The following KDM4C variants were observed in gnomAD, a reference collection of about 807,000 sequenced individuals.
The protein encoded by KDM4C is lysine-specific demethylase 4C.
A neutral mutation model predicts 129.3 loss-of-function variants in KDM4C; 81 were observed. That is an observed-to-expected ratio of 0.63 (90% CI 0.52 to 0.75). The LOEUF is 0.75. KDM4C is among the 30% of genes least tolerant of loss of function. The probability of loss-of-function intolerance (pLI) is 0.00; values close to 1 mark genes in which losing one functional copy is unlikely to be tolerated. For missense variants in KDM4C, 1,457 were observed against 1,304.0 expected, an observed-to-expected ratio of 1.12 and a Z score of -1.81; for synonymous variants, 573 against 456.1, an observed-to-expected ratio of 1.26 and a Z score of -3.26.
At chr9:6,745,578 CAAA>C (rs57251333) in intron 1 of KDM4C, among the ~76,000 whole-genome samples, 17 of 106,962 alleles carry the variant, frequency 1.6e-4, no homozygotes, top group East Asian at 2.9e-4. Flanking sequence ...GTCCTGTCTC[CAAA>C]AAAAAAAAAA....
intron 1 of KDM4C, among the ~76,000 whole-genome samples, chr9:6,740,788 G>C (rs1817669104): frequency 6.6e-6 from 1 of 151,558 alleles, no homozygotes; most frequent in African/African-American, 2.4e-5. Flanking sequence ...CAAAGTGCTG[G>C]GATTACAGGC....
intron 8 of KDM4C, among the ~76,000 whole-genome samples, chr9:6,937,941 A>C (rs7851578): frequency 0.22 from 34,081 of 151,934 alleles, 4,628 homozygotes; most frequent in Middle Eastern, 0.4. Flanking sequence ...CGAACTCCTG[A>C]CCTCAGGTGA....
intron 19 of KDM4C, among the ~76,000 whole-genome samples, chr9:7,152,379 A>G (rs554410081): frequency 6.6e-6 from 1 of 152,362 alleles, no homozygotes; most frequent in East Asian, 1.9e-4. Context: ...AAGATAATTA[A>G]TAGCTAACAA....
At chr9:7,147,160 A>G (rs1035449832) in intron 19 of KDM4C, among the ~76,000 whole-genome samples, 1 of 152,208 alleles carries the variant, frequency 6.6e-6, no homozygotes, top group African/African-American at 2.4e-5. Flanking sequence ...GAAAACCAGG[A>G]CATAAGGTGG....
At chr9:7,070,026 T>A (rs781536065) in intron 17 of KDM4C, among the ~76,000 whole-genome samples, 1 of 151,980 alleles carries the variant, frequency 6.6e-6, no homozygotes, top group East Asian at 1.9e-4. Context: ...AAAAATAAAT[T>A]TAGCTAAATC....
chr9:6,743,939 G>A (rs1446957662), intron 1 of KDM4C, among the ~76,000 whole-genome samples: 2 of 150,232 alleles, frequency 1.3e-5, no homozygotes, highest in African/African-American at 2.5e-5. Flanking sequence ...TTTGAAATAA[G>A]GTCTCGCTAT....
At chr9:6,738,940 G>T (rs1050039317) in intron 1 of KDM4C, among the ~76,000 whole-genome samples, 3 of 151,780 alleles carry the variant, frequency 2.0e-5, no homozygotes, top group African/African-American at 7.3e-5. Flanking sequence ...GTTTGCCCTG[G>T]CTGGTCTCGA....
At chr9:7,007,605 G>A (rs1473174616) in intron 12 of KDM4C, among the ~76,000 whole-genome samples, 1 of 152,190 alleles carries the variant, frequency 6.6e-6, no homozygotes, top group Admixed American at 6.5e-5. Context: ...TTGTTTAGCA[G>A]TGACTCTTTG....
At position 6,758,420 on chromosome 9, in the gene KDM4C, A is replaced by G. The variant is rs907703889; in HGVS notation, c.-18+217A>G. Among the ~76,000 whole-genome samples the G allele has an allele frequency of 6.6e-6, 1 of 152,160 alleles. No individual in the cohort carries two copies. Among genetic ancestry groups the G allele is most frequent in the African/African-American group, 2.4e-5 (1 of 41,446 alleles). On this transcript the variant is annotated intron_variant, in intron 1 of 21. Transcript: ENST00000381309. The surrounding 1 kb of genome is among the most constrained non-coding windows in gnomAD (Gnocchi z 4.6). ...GGGGAGGGATGCGGGGGCCGGTGAC[A>G]GCCCGCTCCGGCCCTTACCGAGGTT...
chr9:6,960,920 G>A (rs1382777452), intron 8 of KDM4C, among the ~76,000 whole-genome samples: 2 of 152,126 alleles, frequency 1.3e-5, no homozygotes, highest in Admixed American at 6.6e-5. Flanking sequence ...TGTGGGAAAC[G>A]GACAACCACA....
chr9:6,794,794 G>A (rs1397608421), intron 2 of KDM4C, among the ~76,000 whole-genome samples: 3 of 152,074 alleles, frequency 2.0e-5, no homozygotes, highest in African/African-American at 4.8e-5. Context: ...GACATGCCCC[G>A]AGTCATAGGG....
At chr9:7,119,860 G>A (rs753738419) in intron 18 of KDM4C, among the ~76,000 whole-genome samples, 2 of 152,042 alleles carry the variant, frequency 1.3e-5, no homozygotes, top group Non-Finnish European at 1.5e-5. Context: ...TTTCTGGAGG[G>A]CCTCTTCCTT....
At chr9:7,014,938 A>C (rs575145838) in intron 14 of KDM4C, among the ~76,000 whole-genome samples, 39 of 151,048 alleles carry the variant, frequency 2.6e-4, no homozygotes, top group African/African-American at 8.4e-4. Context: ...ACACACACAC[A>C]CACACACACA....
chr9:6,960,936 A>G (rs538598981), intron 8 of KDM4C, among the ~76,000 whole-genome samples: 1 of 152,340 alleles, frequency 6.6e-6, no homozygotes, highest in East Asian at 1.9e-4. Flanking sequence ...CCACACAGAA[A>G]AATGACATCC....
At chr9:6,832,910 T>TC (rs1281153289) in intron 4 of KDM4C, among the ~76,000 whole-genome samples, 1 of 148,930 alleles carries the variant, frequency 6.7e-6, no homozygotes, top group African/African-American at 2.5e-5. Flanking sequence ...GTATTTTTTT[T>TC]TTTTTAGTAG....
chr9:6,968,201 T>G (rs1831337139), intron 8 of KDM4C, among the ~76,000 whole-genome samples: 1 of 152,186 alleles, frequency 6.6e-6, no homozygotes, highest in Non-Finnish European at 1.5e-5. Flanking sequence ...AACAATGCCC[T>G]GGGTGCACTC....
chr9:7,007,321 T>G (rs934416752), intron 12 of KDM4C, among the ~76,000 whole-genome samples: 13 of 152,226 alleles, frequency 8.5e-5, no homozygotes, highest in African/African-American at 2.9e-4. Flanking sequence ...AATCTTAGTC[T>G]AGGAGTACGG....
intron 1 of KDM4C, among the ~76,000 whole-genome samples, chr9:6,722,807 C>T (rs1588025431): frequency 6.6e-6 from 1 of 152,066 alleles, no homozygotes; most frequent in East Asian, 1.9e-4. Flanking sequence ...GCCACCGCAT[C>T]CGGCCTACAA....
chr9:7,044,501 G>A (rs183507114), intron 15 of KDM4C, among the ~76,000 whole-genome samples: 100 of 152,112 alleles, frequency 6.6e-4, no homozygotes, highest in African/African-American at 2.3e-3. Flanking sequence ...TGGCAGTGAT[G>A]ATGGAGAGAA....
Sources: gnomAD v4.1 joint callset for allele counts (sites outside exome capture counted in the v4.1 genomes callset) on GRCh38, gnomAD v4.1.1 for gene constraint, Gnocchi (gnomAD v3.1) non-coding constraint, MANE v1.5 for transcripts, NCBI Gene and HGNC (gene_info 2026-07-23, HGNC 2026-07-21) for gene names.